TMPRSS9: variants seen among roughly 807,000 people sequenced by gnomAD.
The protein encoded by TMPRSS9 is transmembrane protease serine 9.
In TMPRSS9, 113 loss-of-function variants were observed where a neutral mutation model predicts 111.4. The ratio of observed to expected loss-of-function variants is 1.01; its 90% confidence interval spans 0.87 to 1.19. The LOEUF is 1.19. Ranked by LOEUF, TMPRSS9 falls within the 50% of genes most tolerant of loss-of-function variation. TMPRSS9 has a pLI of 0.00. For synonymous variants in TMPRSS9, 805 were observed against 659.1 expected, an observed-to-expected ratio of 1.22 and a Z score of -3.39; for missense variants, 1,803 against 1,513.1, an observed-to-expected ratio of 1.19 and a Z score of -3.18.
At chr19:2,424,910 C>T (rs1472873838) in intron 15 of TMPRSS9, 92 bp from the exon 17 acceptor site, 1 of 1,350,712 alleles carries the variant, frequency 7.4e-7, no homozygotes, top group Non-Finnish European at 9.5e-7. Context: ...TAACCCTGCC[C>T]AGGGTGCCAG....
intron 1 of TMPRSS9, among the ~76,000 whole-genome samples, chr19:2,375,009 G>A (rs1426043412): frequency 6.6e-6 from 1 of 152,146 alleles, no homozygotes; most frequent in African/African-American, 2.4e-5. Context: ...GCGGGGCTGC[G>A]CCTGACTCAC....
At chr19:2,388,938 C>T (rs539090216), upstream of TMPRSS9, among the ~76,000 whole-genome samples, 13 of 151,298 alleles carry the variant, frequency 8.6e-5, no homozygotes, top group African/African-American at 3.2e-4. Flanking sequence ...ACTCGGTGTC[C>T]CTCTAAGCCC....
chr19:2,386,797 G>A (rs1333446835), upstream of TMPRSS9, among the ~76,000 whole-genome samples: 3 of 151,856 alleles, frequency 2.0e-5, no homozygotes, highest in Non-Finnish European at 2.9e-5. Flanking sequence ...TTTGAGAACA[G>A]CCTGGCCAAT....
chr19:2,405,677 C>A (rs1019532304), intron 7 of TMPRSS9, 132 bp downstream of exon 8: 1 of 949,812 alleles, frequency 1.1e-6, no homozygotes, highest in Non-Finnish European at 1.4e-6. Flanking sequence ...TTCTTTCTTG[C>A]TTTTGCTGTT....
intron 1 of TMPRSS9, among the ~76,000 whole-genome samples, chr19:2,379,673 C>CTTTCTT (rs1599278674): frequency 2.1e-5 from 3 of 146,050 alleles, no homozygotes; most frequent in East Asian, 4.0e-4. Context: ...TTCTTTCTTT[C>CTTTCTT]TTTCTCTTTT....
At chr19:2,405,991 C>T (rs1359907022) in intron 7 of TMPRSS9, among the ~76,000 whole-genome samples, 17 of 147,702 alleles carry the variant, frequency 1.2e-4, no homozygotes, top group East Asian at 4.0e-4. Context: ...CCATCGTGCC[C>T]GGCCTCTTTT....
Position 2,403,142 on chromosome 19 carries a change from CG to C in TMPRSS9, c.619del (p.Glu207SerfsTer126), listed in dbSNP as rs781146867. On this transcript the variant is annotated frameshift_variant, in exon 6 of 18. Coordinates refer to ENST00000648592, the Ensembl canonical transcript of TMPRSS9. LOFTEE classifies it high-confidence loss of function. Reference sequence around the variant, plus strand: ...AGCCAGTGTGTGACCAAGGTGAACCCGGAGTGTGACGACCAGGAGGACTGCT... The same window carrying C: ...AGCCAGTGTGTGACCAAGGTGAACCCGAGTGTGACGACCAGGAGGACTGCT... 7.4e-6 allele frequency: 12 copies of C among 1,612,418 alleles called. No homozygotes were observed. In the Admixed American group the frequency reaches 1.0e-4, roughly 13 times the overall value.
chr19:2,426,241 A>G (rs1971630004), downstream of TMPRSS9: 1 of 420,464 alleles, frequency 2.4e-6, no homozygotes, highest in Middle Eastern at 6.1e-4. Context: ...TTGTTCCAAT[A>G]AACACAGCCC....
At chr19:2,404,592 A>G (rs1186957735) in intron 6 of TMPRSS9, among the ~76,000 whole-genome samples, 3 of 151,970 alleles carry the variant, frequency 2.0e-5, no homozygotes, top group African/African-American at 7.2e-5. Context: ...ATAAGATAGA[A>G]GATACAAAGG....
At chr19:2,405,497 CCAT>C (rs1970949715) in exon 7 of TMPRSS9, 1 of 1,604,142 alleles carries the variant, frequency 6.2e-7, no homozygotes, top group Non-Finnish European at 8.5e-7. Context: ...TGTGGGGCCG[CCAT>C]CATCAACGCC....
chr19:2,421,263 C>T (rs893709810), intron 13 of TMPRSS9, among the ~76,000 whole-genome samples: 2 of 151,838 alleles, frequency 1.3e-5, no homozygotes, highest in Non-Finnish European at 2.9e-5. Flanking sequence ...GATGGTGGGA[C>T]TATTCATGGC....
At chr19:2,421,747 C>T in intron 13 of TMPRSS9, 107 bp from the exon 15 acceptor site, 1 of 1,306,560 alleles carries the variant, frequency 7.7e-7, no homozygotes, top group Non-Finnish European at 1.0e-6. Flanking sequence ...CCCTCTGCCC[C>T]CCGCCCTCGA....
At chr19:2,425,624 G>A in intron 17 of TMPRSS9, 131 bp downstream of exon 18, 1 of 1,373,882 alleles carries the variant, frequency 7.3e-7, no homozygotes, top group Non-Finnish European at 9.4e-7. Flanking sequence ...CAAGCAGGGA[G>A]CCTTTTTGGC....
intron 1 of TMPRSS9, among the ~76,000 whole-genome samples, chr19:2,366,069 C>G (rs1970246229): frequency 6.6e-6 from 1 of 152,046 alleles, no homozygotes; most frequent in African/African-American, 2.4e-5. Context: ...TTTATTGAAA[C>G]TGCTTGGAAA....
intron 1 of TMPRSS9, among the ~76,000 whole-genome samples, chr19:2,378,433 C>A (rs1384697107): frequency 1.3e-5 from 2 of 152,086 alleles, no homozygotes; most frequent in Non-Finnish European, 2.9e-5. Flanking sequence ...TGAAAGCATA[C>A]CCAAGGCTGG....
intron 7 of TMPRSS9, among the ~76,000 whole-genome samples, chr19:2,406,015 T>TTTC (rs1970961813): frequency 7.9e-6 from 1 of 125,904 alleles, no homozygotes; most frequent in Non-Finnish European, 1.6e-5. Flanking sequence ...TCTTTCTTTC[T>TTTC]TTTTTTTTTT....
chr19:2,396,621 G>A (rs771364271), exon 2 of TMPRSS9: 1 of 1,603,446 alleles, frequency 6.2e-7, no homozygotes. Context: ...TGCGGCGGGA[G>A]ACCTCGGACT....
chr19:2,389,671 T>A, upstream of TMPRSS9: 1 of 1,345,818 alleles, frequency 7.4e-7, no homozygotes, highest in Non-Finnish European at 9.9e-7. Flanking sequence ...CCCCGCCGTT[T>A]TTAAGGGTAT....
intron 10 of TMPRSS9, among the ~76,000 whole-genome samples, chr19:2,414,841 C>T (rs1021592176): frequency 6.7e-6 from 1 of 149,444 alleles, no homozygotes; most frequent in Non-Finnish European, 1.5e-5. Context: ...TGCCACTGCA[C>T]TCCAGCCCGG....
Sources: gnomAD v4.1 joint callset for allele counts (sites outside exome capture counted in the v4.1 genomes callset) on GRCh38, gnomAD v4.1.1 for gene constraint, MANE v1.5 for transcripts, NCBI Gene and HGNC (gene_info 2026-07-23, HGNC 2026-07-21) for gene names.